The following CNTN5 variants were observed in gnomAD, a reference collection of about 807,000 sequenced individuals.
CNTN5 encodes the protein contactin-5.
In CNTN5, 77 loss-of-function variants were observed where a neutral mutation model predicts 129.1. The observed-to-expected ratio is 0.60, with a 90% CI of 0.50 to 0.72. The LOEUF (loss-of-function observed/expected upper bound fraction) is 0.72, where lower values mean the gene tolerates loss of function less well. CNTN5 is among the 30% of genes least tolerant of loss of function. CNTN5 has a pLI of 0.00. For missense variants in CNTN5, 1,478 were observed against 1,328.8 expected (o/e 1.11, Z -1.75); for synonymous variants, 509 against 465.6 (o/e 1.09, Z -1.20).
At chr11:100,223,211 C>G (rs1949301958) in intron 15 of CNTN5, among the ~76,000 whole-genome samples, 1 of 152,080 alleles carries the variant, frequency 6.6e-6, no homozygotes, top group Non-Finnish European at 1.5e-5. Flanking sequence ...TGAAGCATGT[C>G]CTTGTAAATG....
rs186549828 is a variant in CNTN5, at chr11:100,178,404, A to T, written c.1581-12722A>T. ...TTCAAATCTGTATCAAATCTTGTCC[A>T]CTTGTAACTGGACTCCTCCAGCTTT... On this transcript the variant is annotated intron_variant, in intron 13 of 24. Transcript: ENST00000524871. 3.5e-4 allele frequency among the ~76,000 whole-genome samples: 53 copies of T among 152,150 alleles called. No homozygotes were observed. In the East Asian group the frequency reaches 9.5e-3, roughly 27 times the overall value.
chr11:100,348,948 C>A (rs943356357), intron 23 of CNTN5, among the ~76,000 whole-genome samples: 8 of 151,890 alleles, frequency 5.3e-5, no homozygotes, highest in Non-Finnish European at 7.4e-5. Context: ...TCTGATGAAT[C>A]TCCGGTATGT....
At chr11:99,899,272 ATTAG>A (rs1467636343) in intron 6 of CNTN5, among the ~76,000 whole-genome samples, 3 of 151,986 alleles carry the variant, frequency 2.0e-5, no homozygotes, top group Non-Finnish European at 4.4e-5. Context: ...ATTGAATAGA[ATTAG>A]TTAAAGTAGC....
intron 18 of CNTN5, among the ~76,000 whole-genome samples, chr11:100,285,333 A>T (rs548015211): frequency 6.6e-6 from 1 of 152,274 alleles, no homozygotes. Flanking sequence ...CACTGTGAGA[A>T]GTCTCCACTG....
At position 100,028,898 on chromosome 11, in the gene CNTN5, T is replaced by G. The variant is rs192776941; in HGVS notation, c.980+26762T>G. Among the ~76,000 whole-genome samples, 551 of 152,338 alleles carry G rather than the reference T, an allele frequency of 3.6e-3. 9 individuals are homozygous for G. Among genetic ancestry groups the G allele is most frequent in the Middle Eastern group, 0.017 (5 of 294 alleles). Reference sequence around the variant, plus strand: ...TTTAAAGAGTATTTTCTAAAGCTGATTTTACTTACTAGGTCTAGGGTGACA... The same window carrying G: ...TTTAAAGAGTATTTTCTAAAGCTGAGTTTACTTACTAGGTCTAGGGTGACA... On this transcript the variant is annotated intron_variant, in intron 9 of 24. Transcript: ENST00000524871.
rs188465708 is a variant in CNTN5, at chr11:99,891,650, G to T, written c.578-24404G>T. On this transcript the variant is annotated intron_variant, in intron 6 of 24. Coordinates refer to ENST00000524871, the MANE Select transcript of CNTN5 (RefSeq NM_014361.4). Reference sequence around the variant, plus strand: ...CCAGCTTCATTCATGTCCCTGCAAAGGACATGAACTCATCCTTTTTTATGG... The same window carrying T: ...CCAGCTTCATTCATGTCCCTGCAAATGACATGAACTCATCCTTTTTTATGG... 8.3e-3 allele frequency among the ~76,000 whole-genome samples: 1,263 copies of T among 152,216 alleles called. 13 individuals carry two copies. Among genetic ancestry groups the T allele is most frequent in the Non-Finnish European group, 0.012 (837 of 68,018 alleles).
At chr11:100,124,538 A>G (rs532833048) in intron 13 of CNTN5, among the ~76,000 whole-genome samples, 3 of 152,100 alleles carry the variant, frequency 2.0e-5, no homozygotes, top group African/African-American at 7.2e-5. Flanking sequence ...GAGATACATG[A>G]CAAGACCCAG....
chr11:99,387,902 C>G (rs1226618258), intron 2 of CNTN5, among the ~76,000 whole-genome samples: 3 of 152,050 alleles, frequency 2.0e-5, no homozygotes, highest in Admixed American at 1.3e-4. Flanking sequence ...ATCTCAGTGG[C>G]CAACCAGCAT....
chr11:99,566,041 T>G (rs777877423), intron 3 of CNTN5, among the ~76,000 whole-genome samples: 1 of 152,222 alleles, frequency 6.6e-6, no homozygotes, highest in East Asian at 1.9e-4. Flanking sequence ...TGAAAGAGTT[T>G]GGATGTTTGT....
chr11:99,715,095 C>T (rs947067590), intron 3 of CNTN5, among the ~76,000 whole-genome samples: 1 of 151,702 alleles, frequency 6.6e-6, no homozygotes, highest in Non-Finnish European at 1.5e-5. Context: ...CTTTTTGTGA[C>T]GTGTAATAAA....
intron 18 of CNTN5, among the ~76,000 whole-genome samples, chr11:100,276,353 A>G (rs1950509682): frequency 1.3e-5 from 2 of 152,118 alleles, no homozygotes; most frequent in Non-Finnish European, 2.9e-5. Context: ...CAGCCTGGCC[A>G]ACATGGCAAA....
chr11:100,245,517 G>A (rs1264452129), intron 16 of CNTN5, among the ~76,000 whole-genome samples: 1 of 152,042 alleles, frequency 6.6e-6, no homozygotes, highest in Non-Finnish European at 1.5e-5. Flanking sequence ...AGGAGGCAGA[G>A]GGGTTAAGTC....
intron 8 of CNTN5, among the ~76,000 whole-genome samples, chr11:99,976,572 T>A (rs1382368075): frequency 6.6e-6 from 1 of 152,208 alleles, no homozygotes; most frequent in Non-Finnish European, 1.5e-5. Context: ...ACAGGCTCAA[T>A]GCCACGTGGA....
intron 3 of CNTN5, among the ~76,000 whole-genome samples, chr11:99,775,860 G>A (rs1206909531): frequency 6.6e-6 from 1 of 151,642 alleles, no homozygotes; most frequent in Admixed American, 6.6e-5. Flanking sequence ...AAGAAAGAAG[G>A]AAAAGAAAAA....
intron 7 of CNTN5, among the ~76,000 whole-genome samples, chr11:99,927,326 G>A (rs1196687011): frequency 6.6e-6 from 1 of 152,074 alleles, no homozygotes; most frequent in Non-Finnish European, 1.5e-5. Context: ...TAAAAACACA[G>A]AGATCCAGGT....
intron 3 of CNTN5, among the ~76,000 whole-genome samples, chr11:99,677,416 C>A (rs532066171): frequency 6.6e-6 from 1 of 152,090 alleles, no homozygotes; most frequent in African/African-American, 2.4e-5. Flanking sequence ...ACATTTTCTA[C>A]CACATGAGCA....
At chr11:99,338,932 A>ATATATATATATATATG (rs1866374902) in intron 2 of CNTN5, among the ~76,000 whole-genome samples, 3 of 142,950 alleles carry the variant, frequency 2.1e-5, no homozygotes, top group Admixed American at 1.4e-4. Flanking sequence ...ATATATATAT[A>ATATATATATATATATG]TATATATATA....
At chr11:99,677,425 C>G (rs1221245832) in intron 3 of CNTN5, among the ~76,000 whole-genome samples, 1 of 152,088 alleles carries the variant, frequency 6.6e-6, no homozygotes, top group Non-Finnish European at 1.5e-5. Flanking sequence ...ACCACATGAG[C>G]AGTTTGAGGA....
chr11:99,652,774 G>A (rs1342096410), intron 3 of CNTN5, among the ~76,000 whole-genome samples: 2 of 151,996 alleles, frequency 1.3e-5, no homozygotes, highest in Non-Finnish European at 2.9e-5. Flanking sequence ...TATTTTGTGT[G>A]TTATTAAACA....
Sources: allele counts gnomAD v4.1 joint callset (sites outside exome capture counted in the v4.1 genomes callset), GRCh38; gene constraint gnomAD v4.1.1; transcripts MANE v1.5; gene names NCBI Gene and HGNC (gene_info 2026-07-23, HGNC 2026-07-21).